CPM: variants seen among roughly 807,000 people sequenced by gnomAD.
The protein encoded by CPM is renal carboxypeptidase.
CPM carries 35 observed loss-of-function variants against 46.4 expected under a neutral mutation model. The ratio of observed to expected loss-of-function variants is 0.75; its 90% CI spans 0.58 to 1.00. The LOEUF (loss-of-function observed/expected upper bound fraction) is 1.00, where lower values mean the gene tolerates loss of function less well. CPM is among the 50% of genes least tolerant of loss of function. The pLI is 0.00. For synonymous variants in CPM, 195 were observed against 195.3 expected, an observed-to-expected ratio of 1.00 and a Z score of 0.01; for missense variants, 422 against 530.4, an observed-to-expected ratio of 0.80 and a Z score of 2.01.
At chr12:68,947,201 G>A (rs1888861720) in intron 1 of CPM, among the ~76,000 whole-genome samples, 1 of 152,176 alleles carries the variant, frequency 6.6e-6, no homozygotes, top group African/African-American at 2.4e-5. Context: ...TGTTTAAGCT[G>A]TAACTTGAAG....
chr12:68,909,541 G>A (rs1565792013), intron 2 of CPM, among the ~76,000 whole-genome samples: 1 of 152,016 alleles, frequency 6.6e-6, no homozygotes, highest in African/African-American at 2.4e-5. Context: ...GCACACATAT[G>A]TTTATTGCAG....
chr12:68,946,488 C>T (rs1161200862), intron 1 of CPM, among the ~76,000 whole-genome samples: 2 of 152,082 alleles, frequency 1.3e-5, no homozygotes, highest in African/African-American at 4.8e-5. Context: ...ATGAATTCCT[C>T]ATTTCTAGAG....
At chr12:68,906,024 C>T (rs903445602) in intron 2 of CPM, among the ~76,000 whole-genome samples, 1 of 152,204 alleles carries the variant, frequency 6.6e-6, no homozygotes, top group Non-Finnish European at 1.5e-5. Flanking sequence ...AGGACTCAAG[C>T]ATCGGTCATC....
At chr12:68,857,709 C>A (rs1287964918) in intron 8 of CPM, among the ~76,000 whole-genome samples, 1 of 152,100 alleles carries the variant, frequency 6.6e-6, no homozygotes, top group East Asian at 1.9e-4. Context: ...CAGAGTCTTA[C>A]CTTCAAATAT....
chr12:68,875,868 T>C (rs1357891692), intron 3 of CPM, among the ~76,000 whole-genome samples: 2 of 152,092 alleles, frequency 1.3e-5, no homozygotes, highest in African/African-American at 2.4e-5. Context: ...AGCATCAATT[T>C]CACCAGTTAT....
Position 68,869,612 on chromosome 12 carries a change from G to C in CPM, c.617-117C>G, listed in dbSNP as rs1356436070. On this transcript the variant is annotated intron_variant, in intron 5 of 8. Coordinates refer to ENST00000551568, the MANE Select transcript of CPM (RefSeq NM_198320.5). ...ACACACATGCTCTAATTTCCCTAGA[G>C]AGAAATCCTTCATCCACCTCCTCTA... is the stretch of plus-strand genomic sequence containing the variant. 3.3e-6 allele frequency: 3 copies of C among 903,654 alleles called. No homozygotes were observed. In the African/African-American group the frequency reaches 5.1e-5, roughly 15 times the overall value. The allele number at this position is 903,654 out of a possible 1,614,324, so 56.0% of individuals were successfully genotyped here. A position where few individuals can be genotyped will look rare whatever the true frequency, so the allele number is the denominator to read the frequency against.
chr12:68,843,719 C>A, intron 5 of CPM: 1 of 224,324 alleles, frequency 4.5e-6, no homozygotes, highest in Non-Finnish European at 8.9e-6. Flanking sequence ...CTCTCTCTGT[C>A]TGTCTCAATA....
chr12:68,897,691 C>T lies in CPM; in HGVS notation c.161-11802G>A, dbSNP rs141811607. Among the ~76,000 whole-genome samples the T allele has an allele frequency of 5.9e-3, 840 of 142,950 alleles. 13 individuals are homozygous for T. Among genetic ancestry groups the T allele is most frequent in the African/African-American group, 0.02 (765 of 37,974 alleles). The allele number at this position is 142,950 out of a possible 152,430, so 93.8% of individuals were successfully genotyped here. On this transcript the variant is annotated intron_variant, in intron 2 of 8. Coordinates refer to ENST00000551568, the MANE Select transcript of CPM (RefSeq NM_198320.5). ...AGCAGAGGTTGCAGTGAGTGGAGAT[C>T]GTGCCATTGCACTCCAGTCTGGGTG...
At chr12:68,924,149 TA>T (rs77792212) in intron 2 of CPM, among the ~76,000 whole-genome samples, 5,180 of 107,628 alleles carry the variant, frequency 0.048, 288 homozygotes, top group African/African-American at 0.15. Context: ...TGTCTCTACT[TA>T]AAAAAAAAAA....
intron 5 of CPM, chr12:68,845,873 C>T (rs1884252407): frequency 6.6e-6 from 1 of 152,484 alleles, no homozygotes; most frequent in Admixed American, 6.5e-5. Flanking sequence ...AAGCAATCCT[C>T]CCACCTCAGC....
intron 1 of CPM, among the ~76,000 whole-genome samples, chr12:68,956,021 C>T (rs2136337952): frequency 6.6e-6 from 1 of 152,286 alleles, no homozygotes; most frequent in Admixed American, 6.5e-5. Flanking sequence ...CTGCCACCAT[C>T]AACCTGCCCT....
intron 3 of CPM, among the ~76,000 whole-genome samples, chr12:68,872,544 C>T (rs11837881): frequency 0.11 from 17,293 of 152,152 alleles, 2,058 homozygotes; most frequent in African/African-American, 0.29. Context: ...TGAGACACTG[C>T]GCCCGGCCGC....
chr12:68,896,432 T>C (rs1239770976), intron 2 of CPM, among the ~76,000 whole-genome samples: 2 of 152,230 alleles, frequency 1.3e-5, no homozygotes, highest in African/African-American at 4.8e-5. Flanking sequence ...GTGTCTGGCA[T>C]ATACATAGCA....
At chr12:68,905,881 C>A (rs138146555) in intron 2 of CPM, among the ~76,000 whole-genome samples, 2 of 152,144 alleles carry the variant, frequency 1.3e-5, no homozygotes, top group Non-Finnish European at 2.9e-5. Context: ...AGAGTAAAGA[C>A]AGCTGGTCAT....
intron 4 of CPM, 37 bp downstream of exon 4, chr12:68,871,747 G>A (rs758592139): frequency 6.2e-7 from 1 of 1,610,702 alleles, no homozygotes; most frequent in Admixed American, 1.7e-5. Context: ...TTTGTGTTGT[G>A]TTGTTTTCAA....
upstream of CPM, among the ~76,000 whole-genome samples, chr12:68,935,062 A>G (rs1312834689): frequency 6.6e-6 from 1 of 151,998 alleles, no homozygotes; most frequent in Non-Finnish European, 1.5e-5. Context: ...GGCACCTGCC[A>G]CCAGGCCCGG....
intron 2 of CPM, among the ~76,000 whole-genome samples, chr12:68,914,258 A>AC (rs1565794620): frequency 7.9e-6 from 1 of 126,218 alleles, no homozygotes; most frequent in Non-Finnish European, 1.7e-5. Flanking sequence ...CCCCGCCCCC[A>AC]CCCCCAGGTT....
intron 5 of CPM, 112 bp from the exon 6 acceptor site, chr12:68,869,607 C>G: frequency 1.0e-6 from 1 of 962,818 alleles, no homozygotes; most frequent in Admixed American, 2.8e-5. Context: ...TCTAATTTCC[C>G]TAGAGAGAAA....
chr12:68,871,733 A>G, intron 4 of CPM, 51 bp downstream of exon 4: 1 of 1,595,164 alleles, frequency 6.3e-7, no homozygotes, highest in Non-Finnish European at 8.6e-7. Context: ...GCCTGTCGGG[A>G]GCCTTTGTGT....
Sources: allele counts gnomAD v4.1 joint callset (sites outside exome capture counted in the v4.1 genomes callset), GRCh38; gene constraint gnomAD v4.1.1; transcripts MANE v1.5; gene names NCBI Gene and HGNC (gene_info 2026-07-23, HGNC 2026-07-21).